The following RNF19B variants were observed in gnomAD, a reference collection of about 807,000 sequenced individuals.
The protein encoded by RNF19B is E3 ubiquitin-protein ligase RNF19B.
In RNF19B, 23 loss-of-function variants were observed where a neutral mutation model predicts 65.5. That is an observed-to-expected ratio of 0.35 (90% CI 0.25 to 0.50). The LOEUF (loss-of-function observed/expected upper bound fraction) is 0.50, where lower values mean the gene tolerates loss of function less well. Among genes scored for constraint, RNF19B ranks in the 20% least tolerant of loss-of-function variants. RNF19B has a pLI of 0.98. For missense variants in RNF19B, 794 were observed against 980.0 expected (o/e 0.81, Z 2.53); for synonymous variants, 372 against 379.6 (o/e 0.98, Z 0.23).
intron 6 of RNF19B, among the ~76,000 whole-genome samples, chr1:32,943,294 G>A (rs988332047): frequency 2.0e-5 from 3 of 151,976 alleles, no homozygotes; most frequent in African/African-American, 7.3e-5. Context: ...GCTCTTAATA[G>A]ATAGTAAGAT....
chr1:32,962,768 G>C, intron 1 of RNF19B, among the ~76,000 whole-genome samples: 1 of 152,054 alleles, frequency 6.6e-6, no homozygotes. Context: ...TGACACACAA[G>C]AATAAAATTA....
At chr1:32,951,625 A>T (rs985498226) in intron 1 of RNF19B, among the ~76,000 whole-genome samples, 1 of 152,188 alleles carries the variant, frequency 6.6e-6, no homozygotes, top group Admixed American at 6.5e-5. Context: ...TAAACCCTAA[A>T]GACTTATGAT....
downstream of RNF19B, among the ~76,000 whole-genome samples, chr1:32,934,995 C>G (rs1570068918): frequency 6.7e-6 from 1 of 149,694 alleles, no homozygotes; most frequent in South Asian, 2.1e-4. Context: ...CCACGCCCAG[C>G]TAATTTTTGT....
chr1:32,948,050 T>C (rs1642408879), intron 3 of RNF19B, among the ~76,000 whole-genome samples, 172 bp downstream of exon 3: 2 of 151,976 alleles, frequency 1.3e-5, no homozygotes, highest in Admixed American at 6.6e-5. Context: ...CAAAGAAAGG[T>C]AGAAACAGAA....
At chr1:32,960,722 A>G (rs1448133340) in intron 1 of RNF19B, among the ~76,000 whole-genome samples, 1 of 152,080 alleles carries the variant, frequency 6.6e-6, no homozygotes, top group Non-Finnish European at 1.5e-5. Context: ...TTTTCCTGGC[A>G]TTAAAAAGAG....
At chr1:32,958,404 T>C (rs1227237096) in intron 1 of RNF19B, among the ~76,000 whole-genome samples, 2 of 152,014 alleles carry the variant, frequency 1.3e-5, no homozygotes, top group Non-Finnish European at 2.9e-5. Context: ...GAGTGAAAAA[T>C]AGAAAATAAA....
chr1:32,953,848 C>T (rs1309432230), intron 1 of RNF19B, among the ~76,000 whole-genome samples: 1 of 151,618 alleles, frequency 6.6e-6, no homozygotes, highest in African/African-American at 2.4e-5. Flanking sequence ...TCATCCATTC[C>T]TACCTCACAT....
At chr1:32,942,891 A>G (rs1040742891) in intron 6 of RNF19B, among the ~76,000 whole-genome samples, 4 of 152,234 alleles carry the variant, frequency 2.6e-5, no homozygotes, top group African/African-American at 9.6e-5. Context: ...CTGTACTTCC[A>G]GCACTTTGGG....
chr1:32,933,415 C>T (rs1211330590), downstream of RNF19B, among the ~76,000 whole-genome samples: 1 of 152,060 alleles, frequency 6.6e-6, no homozygotes, highest in African/African-American at 2.4e-5. Flanking sequence ...CCACTACGCC[C>T]GGCTAATTTT....
At position 32,964,535 on chromosome 1, in the gene RNF19B, T is replaced by C. The variant is rs2124204415; in HGVS notation, c.151A>G (p.Lys51Glu). Residue 51 changes from lysine (K) to glutamate (E), a missense_variant, in exon 1 of 9, where the codon AAG (lysine) becomes GAG (glutamate). Transcript: ENST00000235150. This position sits in a 1 kb window ranked among gnomAD's most constrained non-coding sequence, Gnocchi z 6.5. ...GGGGGCGGCGGCTCGGCCTGCGGCT[T>C]GGCCCGGGCGCGGCGGCCGCGGGCC... ...ASARGRRARA[K>E]PQAEPPPPAA... 1 of 1,136,476 alleles carries C rather than the reference T, an allele frequency of 8.8e-7. No individual in the cohort carries two copies. Among genetic ancestry groups the C allele is most frequent in the Admixed American group, 4.9e-5 (1 of 20,350 alleles). The allele number at this position is 1,136,476 out of a possible 1,614,324, so 70.4% of individuals were successfully genotyped here. A position where few individuals can be genotyped will look rare whatever the true frequency, so the allele number is the denominator to read the frequency against.
intron 8 of RNF19B, among the ~76,000 whole-genome samples, chr1:32,937,492 G>A (rs1478480608): frequency 6.6e-6 from 1 of 152,142 alleles, no homozygotes; most frequent in Non-Finnish European, 1.5e-5. Flanking sequence ...TGTGAGGACT[G>A]CCTGAGTCCA....
At chr1:32,944,694 CT>C (rs568350613) in intron 5 of RNF19B, among the ~76,000 whole-genome samples, 90 of 145,628 alleles carry the variant, frequency 6.2e-4, no homozygotes, top group South Asian at 8.7e-4. Context: ...CTGCACCTTT[CT>C]TTTTTTTTTT....
chr1:32,949,517 T>TGAAA, intron 2 of RNF19B, 52 bp downstream of exon 2: 2 of 1,500,114 alleles, frequency 1.3e-6, no homozygotes, highest in African/African-American at 2.7e-5. Context: ...AGCTATGGGC[T>TGAAA]CACATCATGA....
chr1:32,949,819 C>G, intron 1 of RNF19B, 45 bp from the exon 2 acceptor site: 3 of 1,462,910 alleles, frequency 2.1e-6, no homozygotes, highest in Non-Finnish European at 2.9e-6. Context: ...TAAGAATGAT[C>G]TAACCAAAAG....
downstream of RNF19B, among the ~76,000 whole-genome samples, chr1:32,932,016 C>G (rs967404565): frequency 1.3e-5 from 2 of 152,190 alleles, no homozygotes; most frequent in African/African-American, 4.8e-5. Context: ...CTTTTGGAAC[C>G]AAATACTATA....
At chr1:32,930,903 C>T in the RNF19B span, among the ~76,000 whole-genome samples, 1 of 152,140 alleles carries the variant, frequency 6.6e-6, no homozygotes. Context: ...GCCTGGCCAA[C>T]ATGGTGAAAC....
In RNF19B at chr1:32,963,631, T is replaced by C. The variant is rs542168784; in HGVS notation, c.635+420A>G. 4.0e-5 allele frequency among the ~76,000 whole-genome samples: 6 copies of C among 150,346 alleles called. No homozygotes were observed. The South Asian group carries it at 1.0e-3, about 26-fold the overall frequency. On this transcript the variant is annotated intron_variant, in intron 1 of 8. Coordinates refer to ENST00000235150, the MANE Select transcript of RNF19B (RefSeq NM_001300826.2). ...TACTCGGGAGGCTGAGGCAGGAGAA[T>C]CGCTTGAACCTGAGAGGCGGAGGTT...
downstream of RNF19B, among the ~76,000 whole-genome samples, chr1:32,933,524 G>A (rs982081982): frequency 6.6e-6 from 1 of 152,048 alleles, no homozygotes; most frequent in African/African-American, 2.4e-5. Flanking sequence ...CAAAGTGCTG[G>A]GATTACAGGC....
chr1:32,956,527 C>T (rs1362070396), intron 1 of RNF19B, among the ~76,000 whole-genome samples: 2 of 152,148 alleles, frequency 1.3e-5, no homozygotes, highest in Non-Finnish European at 2.9e-5. Flanking sequence ...GAAATTGCAC[C>T]ACTGCACTCC....
Sources: allele counts gnomAD v4.1 joint callset (sites outside exome capture counted in the v4.1 genomes callset), GRCh38; gene constraint gnomAD v4.1.1; non-coding constraint Gnocchi (gnomAD v3.1); transcripts MANE v1.5; gene names NCBI Gene and HGNC (gene_info 2026-07-23, HGNC 2026-07-21).